The following PDE6A variants were observed in gnomAD, a reference collection of about 807,000 sequenced individuals.
The protein encoded by PDE6A is phosphodiesterase 6A, also known as rod cGMP-specific 3',5'-cyclic phosphodiesterase subunit alpha.
A neutral mutation model predicts 106.3 loss-of-function variants in PDE6A; 84 were observed. The ratio of observed to expected loss-of-function variants is 0.79; its 90% CI spans 0.66 to 0.95. PDE6A has a LOEUF of 0.95. PDE6A is among the 40% of genes least tolerant of loss of function. The pLI is 0.00. For synonymous variants in PDE6A, 394 were observed against 386.6 expected, an observed-to-expected ratio of 1.02 and a Z score of -0.23; for missense variants, 1,052 against 1,084.9, an observed-to-expected ratio of 0.97 and a Z score of 0.43.
chr5:149,918,347 A>G (rs1361175455), intron 5 of PDE6A, among the ~76,000 whole-genome samples: 1 of 152,218 alleles, frequency 6.6e-6, no homozygotes, highest in Non-Finnish European at 1.5e-5. Flanking sequence ...TATTCAGTTA[A>G]GTGAAAAAAG....
At chr5:149,895,736 A>G (rs1297260955) in intron 12 of PDE6A, among the ~76,000 whole-genome samples, 2 of 152,074 alleles carry the variant, frequency 1.3e-5, no homozygotes, top group African/African-American at 4.8e-5. Flanking sequence ...TTTCTGATTT[A>G]TCAGAGCTGG....
At chr5:149,923,694 A>G (rs1168044930) in intron 4 of PDE6A, among the ~76,000 whole-genome samples, 4 of 152,172 alleles carry the variant, frequency 2.6e-5, no homozygotes, top group Non-Finnish European at 5.9e-5. Context: ...AGAACCACAC[A>G]GGTTCTTCCC....
intron 13 of PDE6A, among the ~76,000 whole-genome samples, chr5:149,887,851 A>G (rs904269236): frequency 2.0e-5 from 3 of 151,842 alleles, no homozygotes; most frequent in African/African-American, 7.3e-5. Flanking sequence ...TCCCGCCCAT[A>G]CCTATAAGTA....
intron 8 of PDE6A, among the ~76,000 whole-genome samples, chr5:149,902,612 G>A (rs900493818): frequency 6.6e-6 from 1 of 152,084 alleles, no homozygotes; most frequent in African/African-American, 2.4e-5. Flanking sequence ...CCTGCGGTCA[G>A]GAGTTCGAGA....
intron 1 of PDE6A, among the ~76,000 whole-genome samples, chr5:149,935,937 C>T (rs1232196319): frequency 6.6e-6 from 1 of 152,056 alleles, no homozygotes; most frequent in Non-Finnish European, 1.5e-5. Flanking sequence ...GTATTGCTTG[C>T]GTTCAGTAGT....
chr5:149,940,505 C>CTTTTTT (rs56930344), intron 1 of PDE6A, among the ~76,000 whole-genome samples: 1 of 142,018 alleles, frequency 7.0e-6, no homozygotes, highest in African/African-American at 2.7e-5. Context: ...TGTTTGAATC[C>CTTTTTT]TTTTTTTTTT....
At chr5:149,940,098 A>G (rs1754288550) in intron 1 of PDE6A, 1 of 152,108 alleles carries the variant, frequency 6.6e-6, no homozygotes, top group African/African-American at 2.4e-5. Flanking sequence ...GCTGTGATCA[A>G]TTAGTTATAA....
intron 8 of PDE6A, among the ~76,000 whole-genome samples, chr5:149,903,017 G>A (rs900462739): frequency 1.3e-5 from 2 of 151,244 alleles, no homozygotes; most frequent in Non-Finnish European, 2.9e-5. Flanking sequence ...AGGCATAGTG[G>A]TGCACACCTA....
chr5:149,899,311 C>A, intron 9 of PDE6A, 64 bp downstream of exon 9: 3 of 1,566,448 alleles, frequency 1.9e-6, no homozygotes, highest in East Asian at 2.2e-5. Context: ...CGCAGTGACA[C>A]CCAGCCTCCC....
chr5:149,918,284 A>C (rs1314417447), intron 5 of PDE6A, among the ~76,000 whole-genome samples: 1 of 152,240 alleles, frequency 6.6e-6, no homozygotes, highest in Non-Finnish European at 1.5e-5. Flanking sequence ...TGGACACCAC[A>C]CGTTTCCAGA....
intron 14 of PDE6A, among the ~76,000 whole-genome samples, 155 bp from the exon 15 acceptor site, chr5:149,885,022 A>G (rs1752234741): frequency 6.6e-6 from 1 of 152,070 alleles, no homozygotes; most frequent in South Asian, 2.1e-4. Context: ...AATAGCATGG[A>G]CCCCTTCCCC....
chr5:149,860,948 C>G lies in PDE6A; in HGVS notation c.2530G>C (p.Gly844Arg). 1 of 1,614,096 alleles carries G rather than the reference C, an allele frequency of 6.2e-7. No homozygotes were observed. The highest frequency in any genetic ancestry group is 8.5e-7 in the Non-Finnish European group (1 of 1,179,996). ...GTTGCACCCCCTGGGCTGGGGTTTC[C>G]CCCCGGCTGATTTCCTGCGGCTGCT... The part of the protein sequence containing the change: ...KSAAAGNQPG[G>R]NPSPGGATTS... The change falls in exon 22 of 22, where the codon GGA becomes CGA. Residue 844 changes from glycine (G) to arginine (R), a missense_variant. Gly to Arg is a moderately radical substitution (Grantham distance 125). Transcript: ENST00000255266.
chr5:149,893,166 G>A (rs112072908), intron 13 of PDE6A, among the ~76,000 whole-genome samples: 2 of 152,168 alleles, frequency 1.3e-5, no homozygotes, highest in African/African-American at 2.4e-5. Context: ...AGAACCCAAA[G>A]ATTAGGTCTT....
chr5:149,938,271 AG>A (rs1176305590), intron 1 of PDE6A, among the ~76,000 whole-genome samples: 1 of 152,088 alleles, frequency 6.6e-6, no homozygotes, highest in Non-Finnish European at 1.5e-5. Flanking sequence ...TCCTCTGTGA[AG>A]GTTTTTTTTT....
chr5:149,928,627 C>T (rs1309847378), intron 4 of PDE6A, among the ~76,000 whole-genome samples: 1 of 152,124 alleles, frequency 6.6e-6, no homozygotes, highest in Non-Finnish European at 1.5e-5. Context: ...TGCACTATGA[C>T]ATCACTAGAC....
At chr5:149,908,886 T>C (rs541755819) in intron 6 of PDE6A, among the ~76,000 whole-genome samples, 56 of 152,234 alleles carry the variant, frequency 3.7e-4, no homozygotes, top group African/African-American at 1.2e-3. Flanking sequence ...AACCACTAAG[T>C]AGAATTCACC....
intron 17 of PDE6A, among the ~76,000 whole-genome samples, chr5:149,879,271 C>A (rs112121880): frequency 0.14 from 21,371 of 151,962 alleles, 1,582 homozygotes; most frequent in South Asian, 0.27. Flanking sequence ...GGCGTTTCAC[C>A]ATGTTGGCCA....
In PDE6A at chr5:149,866,150, T is replaced by C. The variant is rs757048842; in HGVS notation, c.2358+20A>G. On this transcript the variant is annotated intron_variant, in intron 20 of 21. Transcript: ENST00000255266. Reference sequence around the variant, plus strand: ...TTTATCAAAGACATCTTGTTGCGGCTGAGGAAGCCAAGGGCCTACCTTGTA... The same window carrying C: ...TTTATCAAAGACATCTTGTTGCGGCCGAGGAAGCCAAGGGCCTACCTTGTA... 1.9e-6 allele frequency: 3 copies of C among 1,581,444 alleles called. No individual in the cohort carries two copies. Among genetic ancestry groups the C allele is most frequent in the South Asian group, 2.2e-5 (2 of 90,370 alleles).
chr5:149,911,200 CATG>C (rs1201351206), intron 6 of PDE6A, among the ~76,000 whole-genome samples: 1 of 152,056 alleles, frequency 6.6e-6, no homozygotes, highest in African/African-American at 2.4e-5. Context: ...TTTCAATTGG[CATG>C]ATGATGAAGT....
Sources: gnomAD v4.1 joint callset for allele counts (sites outside exome capture counted in the v4.1 genomes callset) on GRCh38, gnomAD v4.1.1 for gene constraint, MANE v1.5 for transcripts, NCBI Gene and HGNC (gene_info 2026-07-23, HGNC 2026-07-21) for gene names.